LIN52: variants seen among roughly 807,000 people sequenced by gnomAD.
The protein encoded by LIN52 is lin-52 DREAM MuvB core complex component.
In LIN52, 4 loss-of-function variants were observed where a neutral mutation model predicts 18.5. That is an observed-to-expected ratio of 0.22 (90% CI 0.11 to 0.49). The LOEUF (loss-of-function observed/expected upper bound fraction) is 0.49. LIN52 is among the 20% of genes least tolerant of loss of function. LIN52 has a pLI of 0.97. For synonymous variants in LIN52, 34 were observed against 45.5 expected (o/e 0.75, Z 1.02); for missense variants, 102 against 139.5 (o/e 0.73, Z 1.35).
At chr14:74,093,419 G>A (rs1371366878) in intron 2 of LIN52, among the ~76,000 whole-genome samples, 2 of 143,396 alleles carry the variant, frequency 1.4e-5, no homozygotes, top group South Asian at 2.2e-4. Flanking sequence ...CTCTGCTTCC[G>A]GGTTCAAGCA....
At position 74,103,564 on chromosome 14, in the gene LIN52, C is replaced by G. The variant is rs538584077; in HGVS notation, c.283+2326C>G. Among the ~76,000 whole-genome samples, 538 of 150,642 alleles carry G rather than the reference C, an allele frequency of 3.6e-3. 4 individuals are homozygous for G. The highest frequency in any genetic ancestry group is 0.012 in the African/African-American group (507 of 40,978). On this transcript the variant is annotated intron_variant, in intron 5 of 5. Transcript: ENST00000555028. ...TCTCCTGCCTCAGCCTCCTGAGTAG[C>G]TGGGATTACAGGCATGTGCCACCAG...
Position 74,198,960 on chromosome 14 carries a change from G to A in LIN52, c.322G>A (p.Glu108Lys). 1 of 1,613,104 alleles carries A rather than the reference G, an allele frequency of 6.2e-7. No homozygotes were observed. ...ACGGGGGAAATTCCTCAATATTCTA[G>A]AGAAGCCCAAGAAGTAGCAGCTGCT... ...MTRGKFLNIL[E>K]KPKK The change falls in exon 6 of 6, where the codon GAG becomes AAG. Residue 108 changes from glutamate (E) to lysine (K), a missense_variant. Transcript: ENST00000555028.
intron 5 of LIN52, chr14:74,174,799 A>AAAT (rs59354257): frequency 6.6e-6 from 1 of 150,688 alleles, no homozygotes; most frequent in Non-Finnish European, 1.5e-5. Context: ...GAAAAAAAAA[A>AAAT]TGGTACACCT....
At chr14:74,157,031 TTTTC>T (rs2061202030) in intron 5 of LIN52, among the ~76,000 whole-genome samples, 1 of 66,512 alleles carries the variant, frequency 1.5e-5, no homozygotes. Context: ...CATATTTTCT[TTTTC>T]TTTTTTTTTT....
intron 5 of LIN52, among the ~76,000 whole-genome samples, chr14:74,168,811 C>T (rs1388849128): frequency 1.3e-5 from 2 of 152,194 alleles, no homozygotes; most frequent in African/African-American, 4.8e-5. Context: ...CACCTGTAAT[C>T]CCAAAACTTT....
intron 5 of LIN52, among the ~76,000 whole-genome samples, chr14:74,157,280 G>A (rs945917271): frequency 3.3e-5 from 5 of 151,612 alleles, no homozygotes; most frequent in South Asian, 2.1e-4. Flanking sequence ...TGATCCTCCC[G>A]CCTCAGCCTC....
intron 5 of LIN52, among the ~76,000 whole-genome samples, chr14:74,179,520 G>A (rs1966401): frequency 0.6 from 91,542 of 151,804 alleles, 28,660 homozygotes; most frequent in Admixed American, 0.69. Context: ...TTAGCTGTGC[G>A]TGGTGGCACA....
At chr14:74,197,442 GC>G (rs1426400247) in intron 5 of LIN52, among the ~76,000 whole-genome samples, 2 of 152,228 alleles carry the variant, frequency 1.3e-5, no homozygotes, top group Non-Finnish European at 1.5e-5. Context: ...TGGATCTTTT[GC>G]CAAGGGAGAG....
chr14:74,141,858 C>T (rs1362970014), intron 5 of LIN52, among the ~76,000 whole-genome samples: 1 of 152,168 alleles, frequency 6.6e-6, no homozygotes, highest in Non-Finnish European at 1.5e-5. Context: ...TAATTTTCTA[C>T]TTCAGAAGTT....
At chr14:74,091,337 A>G (rs772388555) in intron 2 of LIN52, 31 bp downstream of exon 2, 14 of 1,328,272 alleles carry the variant, frequency 1.1e-5, no homozygotes, top group Non-Finnish European at 1.5e-5. Flanking sequence ...TATCAGAGTC[A>G]ATGCAGGAGA....
intron 5 of LIN52, among the ~76,000 whole-genome samples, chr14:74,162,478 A>C (rs1182993106): frequency 0.013 from 1,941 of 149,636 alleles, 40 homozygotes; most frequent in African/African-American, 0.044. Context: ...CATCTCACAA[A>C]AAAAAAAAAA....
chr14:74,103,797 A>C lies in LIN52; in HGVS notation c.283+2559A>C, dbSNP rs188913536. Among the ~76,000 whole-genome samples, 59 of 117,560 alleles carry C rather than the reference A, an allele frequency of 5.0e-4. 1 individual carries two copies. The East Asian group carries it at 0.014, about 28-fold the overall frequency. The allele number at this position is 117,560 out of a possible 152,430, so 77.1% of individuals were successfully genotyped here. On this transcript the variant is annotated intron_variant, in intron 5 of 5. Coordinates refer to ENST00000555028, the MANE Select transcript of LIN52 (RefSeq NM_001024674.3). Reference sequence around the variant, plus strand: ...GAGACTGGGTTTTTCTATGTTGCCTAGGCTGGACTTGAGTTCCTGGGCTCA... The same window carrying C: ...GAGACTGGGTTTTTCTATGTTGCCTCGGCTGGACTTGAGTTCCTGGGCTCA...
intron 5 of LIN52, among the ~76,000 whole-genome samples, chr14:74,140,464 A>G (rs1330062363): frequency 6.6e-6 from 1 of 152,240 alleles, no homozygotes; most frequent in Non-Finnish European, 1.5e-5. Flanking sequence ...AAAATGCCCT[A>G]AAGCCTCTTA....
In LIN52 at chr14:74,117,484, C is replaced by T. The variant is rs540867863; in HGVS notation, c.283+16246C>T. On this transcript the variant is annotated intron_variant, in intron 5 of 5. Coordinates refer to ENST00000555028, the MANE Select transcript of LIN52 (RefSeq NM_001024674.3). ...ATGGACCTGGATTTCTTTTTTTTGG[C>T]GGGGGGGCTTTGAAAGTAGTTTTTG... 1.5e-4 allele frequency among the ~76,000 whole-genome samples: 23 copies of T among 148,572 alleles called. No homozygotes were observed. In the South Asian group the frequency reaches 1.9e-3, roughly 12 times the overall value.
chr14:74,143,039 G>A (rs1282069008), intron 5 of LIN52, among the ~76,000 whole-genome samples: 2 of 151,558 alleles, frequency 1.3e-5, no homozygotes, highest in African/African-American at 4.8e-5. Context: ...TCTTACTATA[G>A]ATAGACTATG....
chr14:74,159,169 A>G (rs927256930), intron 5 of LIN52, among the ~76,000 whole-genome samples: 2 of 8,402 alleles, frequency 2.4e-4, no homozygotes, highest in Admixed American at 3.6e-3. Flanking sequence ...TCTTATTTGT[A>G]TTATATTCAG....
rs1272457904 is a variant in LIN52, at chr14:74,201,419, A to AC, written c.*2445dup. Among the ~76,000 whole-genome samples, 1 of 152,024 alleles carries AC rather than the reference A, an allele frequency of 6.6e-6. No homozygotes were observed. Among genetic ancestry groups the AC allele is most frequent in the Non-Finnish European group, 1.5e-5 (1 of 68,000 alleles). On this transcript the variant is annotated 3_prime_UTR_variant, in exon 6 of 6. Coordinates refer to ENST00000555028, the MANE Select transcript of LIN52 (RefSeq NM_001024674.3). The stretch of plus-strand genomic sequence containing the variant: ...CCATTCTATCCTACCACTGCCCAAC[A>AC]CCCGAAAGTAGTATTTAGAAACCCT...
intron 4 of LIN52, among the ~76,000 whole-genome samples, chr14:74,098,990 A>G (rs897565914): frequency 6.6e-6 from 1 of 152,188 alleles, no homozygotes; most frequent in Non-Finnish European, 1.5e-5. Context: ...TATCCCATCA[A>G]TTTCTTCTAT....
chr14:74,128,848 G>T (rs115485552), intron 5 of LIN52, among the ~76,000 whole-genome samples: 2,402 of 152,194 alleles, frequency 0.016, 63 homozygotes, highest in African/African-American at 0.054. Flanking sequence ...GGAGGCTGAG[G>T]CATGAGAATC....
Sources: allele counts gnomAD v4.1 joint callset (sites outside exome capture counted in the v4.1 genomes callset), GRCh38; gene constraint gnomAD v4.1.1; transcripts MANE v1.5; gene names NCBI Gene and HGNC (gene_info 2026-07-23, HGNC 2026-07-21).